The following IL13RA1 variants were observed in gnomAD, a reference collection of about 807,000 sequenced individuals.
The protein encoded by IL13RA1 is interleukin 13 receptor subunit alpha 1.
IL13RA1 carries 14 observed loss-of-function variants against 33.8 expected under a neutral mutation model. The observed-to-expected ratio is 0.41, with a 90% CI of 0.27 to 0.65. IL13RA1 has a LOEUF of 0.65. Among genes scored for constraint, IL13RA1 ranks in the 30% least tolerant of loss-of-function variants. The pLI, the probability that IL13RA1 is intolerant of heterozygous loss-of-function variation, is 0.28. For missense variants in IL13RA1, 313 were observed against 327.0 expected (o/e 0.96, Z 0.33); for synonymous variants, 116 against 115.7 (o/e 1.00, Z -0.02).
intron 8 of IL13RA1, among the ~76,000 whole-genome samples, chrX:118,773,366 C>A (rs1320769038): frequency 9.0e-6 from 1 of 111,481 alleles, no homozygotes; most frequent in East Asian, 2.8e-4. Context: ...TGGTGTGCGC[C>A]TGTAGTCCCA....
At chrX:118,734,707 A>G (rs1257977909) in intron 1 of IL13RA1, among the ~76,000 whole-genome samples, 2 of 112,097 alleles carry the variant, frequency 1.8e-5, no homozygotes, top group East Asian at 5.6e-4. Context: ...ATGCCCGTGT[A>G]TTCACTTTAC....
intron 4 of IL13RA1, among the ~76,000 whole-genome samples, chrX:118,755,211 A>G (rs112995107): frequency 3.4e-4 from 38 of 110,252 alleles, no homozygotes; most frequent in African/African-American, 1.0e-3. Context: ...AGCCTCCTAA[A>G]GTGCTGGGAT....
chrX:118,735,344 T>A (rs2017269496), intron 1 of IL13RA1, among the ~76,000 whole-genome samples: 1 of 111,103 alleles, frequency 9.0e-6, no homozygotes, highest in Non-Finnish European at 1.9e-5. Flanking sequence ...ATTTCCTTCC[T>A]TATGATAGCT....
chrX:118,739,522 G>A (rs1001593427), intron 1 of IL13RA1, among the ~76,000 whole-genome samples: 1 of 111,882 alleles, frequency 8.9e-6, no homozygotes, highest in African/African-American at 3.3e-5. Flanking sequence ...TAATGGTTCC[G>A]TTCATCACTT....
intron 4 of IL13RA1, among the ~76,000 whole-genome samples, chrX:118,755,973 G>T (rs919953912): frequency 9.0e-6 from 1 of 110,657 alleles, no homozygotes; most frequent in African/African-American, 3.3e-5. Flanking sequence ...GCATTCCTTT[G>T]TGCAGCCTTT....
intron 5 of IL13RA1, among the ~76,000 whole-genome samples, chrX:118,759,697 T>G (rs1212457779): frequency 8.9e-6 from 1 of 112,609 alleles, no homozygotes; most frequent in Non-Finnish European, 1.9e-5. Flanking sequence ...AATTACCCAT[T>G]ATCTTCTATT....
intron 5 of IL13RA1, among the ~76,000 whole-genome samples, chrX:118,760,801 A>G (rs978301372): frequency 2.7e-5 from 3 of 112,163 alleles, no homozygotes; most frequent in African/African-American, 9.7e-5. Flanking sequence ...CAAGGATACC[A>G]AAATCCATGG....
intron 4 of IL13RA1, among the ~76,000 whole-genome samples, chrX:118,757,450 G>A (rs746660295): frequency 9.7e-6 from 1 of 103,477 alleles, no homozygotes; most frequent in Admixed American, 1.1e-4. Flanking sequence ...CTGGAACTCG[G>A]GAGGCGGAGG....
chrX:118,789,323 T>G (rs2017953145), intron 10 of IL13RA1, among the ~76,000 whole-genome samples: 1 of 112,236 alleles, frequency 8.9e-6, no homozygotes, highest in Non-Finnish European at 1.9e-5. Flanking sequence ...ACAAATTTTT[T>G]CATAAGAAGC....
At chrX:118,791,239 T>C (rs1453677646) in intron 10 of IL13RA1, among the ~76,000 whole-genome samples, 2 of 112,099 alleles carry the variant, frequency 1.8e-5, no homozygotes, top group Non-Finnish European at 3.8e-5. Flanking sequence ...TTTCCTGTTC[T>C]AGCAAATGAT....
intron 1 of IL13RA1, among the ~76,000 whole-genome samples, chrX:118,735,094 T>C (rs911640032): frequency 1.8e-5 from 2 of 110,559 alleles, no homozygotes; most frequent in South Asian, 3.8e-4. Context: ...TACTCTCTTA[T>C]AACCCTTTTT....
chrX:118,773,319 C>T (rs183824094), intron 8 of IL13RA1, among the ~76,000 whole-genome samples: 2,171 of 111,414 alleles, frequency 0.019, 22 homozygotes, highest in Middle Eastern at 0.042. Context: ...AGGGAAACCC[C>T]GTCTCTACTA....
intron 9 of IL13RA1, among the ~76,000 whole-genome samples, chrX:118,774,451 T>A (rs371260986): frequency 8.9e-6 from 1 of 112,088 alleles, no homozygotes; most frequent in Non-Finnish European, 1.9e-5. Context: ...ACCCAGCCGC[T>A]ATGCCCACTT....
At chrX:118,786,519 A>G (rs1281177611) in intron 10 of IL13RA1, among the ~76,000 whole-genome samples, 1 of 112,272 alleles carries the variant, frequency 8.9e-6, no homozygotes, top group African/African-American at 3.2e-5. Flanking sequence ...ATAGGCGTGA[A>G]CAACCACACT....
intron 5 of IL13RA1, among the ~76,000 whole-genome samples, chrX:118,760,345 G>T (rs1329600542): frequency 8.9e-6 from 1 of 111,965 alleles, no homozygotes; most frequent in Non-Finnish European, 1.9e-5. Flanking sequence ...TCCTTGAAGT[G>T]CATTTATGTT....
intron 1 of IL13RA1, among the ~76,000 whole-genome samples, chrX:118,737,617 C>G (rs2017296461): frequency 8.9e-6 from 1 of 111,922 alleles, no homozygotes; most frequent in Non-Finnish European, 1.9e-5. Flanking sequence ...AAGATCTGAC[C>G]AAAGGACACT....
At chrX:118,766,163 T>C (rs2017646205) in intron 6 of IL13RA1, among the ~76,000 whole-genome samples, 1 of 111,986 alleles carries the variant, frequency 8.9e-6, no homozygotes, top group Non-Finnish European at 1.9e-5. Flanking sequence ...TATGGGAGGT[T>C]TTTTTGGTCT....
intron 4 of IL13RA1, among the ~76,000 whole-genome samples, chrX:118,752,957 T>C (rs2017486741): frequency 8.9e-6 from 1 of 112,141 alleles, no homozygotes; most frequent in African/African-American, 3.2e-5. Flanking sequence ...ACACAGGCTT[T>C]TAAGATGTCT....
chrX:118,780,016 C>A (rs1365707469), intron 10 of IL13RA1, among the ~76,000 whole-genome samples: 1 of 111,996 alleles, frequency 8.9e-6, no homozygotes, highest in Non-Finnish European at 1.9e-5. Context: ...CGCAAATATA[C>A]TGACAATATG....
Sources: allele counts gnomAD v4.1 joint callset (sites outside exome capture counted in the v4.1 genomes callset), GRCh38; gene constraint gnomAD v4.1.1; transcripts MANE v1.5; gene names NCBI Gene and HGNC (gene_info 2026-07-23, HGNC 2026-07-21).